ITGAE: variants seen among roughly 807,000 people sequenced by gnomAD.
ITGAE encodes integrin alpha-E.
ITGAE carries 99 observed loss-of-function variants against 136.5 expected under a neutral mutation model. The observed-to-expected ratio is 0.73, with a 90% CI of 0.62 to 0.86. The LOEUF (loss-of-function observed/expected upper bound fraction) is 0.86. Among genes scored for constraint, ITGAE ranks in the 40% least tolerant of loss-of-function variants. The pLI is 0.00. For synonymous variants in ITGAE, 613 were observed against 591.8 expected, an observed-to-expected ratio of 1.04 and a Z score of -0.52; for missense variants, 1,447 against 1,515.3, an observed-to-expected ratio of 0.95 and a Z score of 0.75.
At chr17:3,732,309 A>G (rs56163349) in intron 22 of ITGAE, 59 bp downstream of exon 22, 119,962 of 1,245,176 alleles carry the variant, frequency 0.096, 12,943 homozygotes, top group African/African-American at 0.52. Context: ...TGAGACCAAG[A>G]TGCAGAAGAC....
intron 2 of ITGAE, among the ~76,000 whole-genome samples, chr17:3,767,596 T>C (rs1416958992): frequency 2.0e-5 from 3 of 152,188 alleles, no homozygotes; most frequent in Non-Finnish European, 2.9e-5. Context: ...TCCTGCCTTG[T>C]TGATGGTAAT....
At chr17:3,782,268 C>A (rs1290961553) in intron 1 of ITGAE, among the ~76,000 whole-genome samples, 2 of 87,320 alleles carry the variant, frequency 2.3e-5, no homozygotes, top group Non-Finnish European at 4.0e-5. Context: ...GAGTGAGACT[C>A]GGCCTCAAAA....
chr17:3,745,491 G>A (rs924100553), intron 18 of ITGAE, among the ~76,000 whole-genome samples: 3 of 151,978 alleles, frequency 2.0e-5, no homozygotes, highest in Admixed American at 6.6e-5. Context: ...ACAGGCACCC[G>A]CCATCACGCC....
intron 28 of ITGAE, among the ~76,000 whole-genome samples, chr17:3,720,904 T>A (rs1176105753): frequency 6.6e-6 from 1 of 151,978 alleles, no homozygotes; most frequent in Non-Finnish European, 1.5e-5. Flanking sequence ...TTCTTTTCCC[T>A]TGTGCCATCC....
chr17:3,743,217 G>C (rs2051627861), intron 19 of ITGAE, among the ~76,000 whole-genome samples: 1 of 152,234 alleles, frequency 6.6e-6, no homozygotes, highest in Non-Finnish European at 1.5e-5. Context: ...TGTGCCTCAT[G>C]AAAGATGTAG....
intron 1 of ITGAE, among the ~76,000 whole-genome samples, chr17:3,790,620 C>T (rs778719472): frequency 5.9e-5 from 9 of 152,080 alleles, no homozygotes; most frequent in Admixed American, 2.0e-4. Flanking sequence ...TGAAACCTGA[C>T]GTTAAACTTC....
rs1044118539 is a variant in ITGAE at position 3,781,494 on chromosome 17, G to A, written c.35-3834C>T. 3.3e-5 allele frequency among the ~76,000 whole-genome samples: 5 copies of A among 152,090 alleles called. No individual in the cohort carries two copies. In the East Asian group the frequency reaches 7.7e-4, roughly 23 times the overall value. On this transcript the variant is annotated intron_variant, in intron 1 of 30. Coordinates refer to ENST00000263087, the MANE Select transcript of ITGAE (RefSeq NM_002208.5). ...CCTCTTAAGCCTCCCAAATAGCTGG[G>A]ATTACAGGCACCCGCCATCATGCCC...
chr17:3,745,440 C>T (rs2051688089), intron 18 of ITGAE, among the ~76,000 whole-genome samples: 1 of 152,156 alleles, frequency 6.6e-6, no homozygotes, highest in Non-Finnish European at 1.5e-5. Flanking sequence ...CCCCTGGATT[C>T]CAGCGATTCT....
chr17:3,790,620 CGTT>C (rs1567561111), intron 1 of ITGAE, among the ~76,000 whole-genome samples: 2 of 152,080 alleles, frequency 1.3e-5, no homozygotes, highest in Admixed American at 6.6e-5. Context: ...TGAAACCTGA[CGTT>C]AAACTTCCAG....
At chr17:3,770,122 T>C (rs2052385657) in intron 2 of ITGAE, among the ~76,000 whole-genome samples, 1 of 150,236 alleles carries the variant, frequency 6.7e-6, no homozygotes, top group South Asian at 2.1e-4. Context: ...TTCTTTTTTT[T>C]TTTTTTCTTT....
chr17:3,779,731 A>C (rs931026532), intron 1 of ITGAE, among the ~76,000 whole-genome samples: 1 of 152,222 alleles, frequency 6.6e-6, no homozygotes, highest in African/African-American at 2.4e-5. Context: ...CAATTGTCAA[A>C]TTTAAGTGTA....
At chr17:3,795,178 T>C (rs1282194966) in intron 1 of ITGAE, among the ~76,000 whole-genome samples, 1 of 152,090 alleles carries the variant, frequency 6.6e-6, no homozygotes, top group African/African-American at 2.4e-5. Flanking sequence ...CCCCTCAGCA[T>C]CCTGTGGTCT....
intron 1 of ITGAE, among the ~76,000 whole-genome samples, chr17:3,795,415 T>A (rs2143511220): frequency 6.6e-6 from 1 of 152,304 alleles, no homozygotes; most frequent in Non-Finnish European, 1.5e-5. Flanking sequence ...TCAACAGAGA[T>A]CTTGTTCAAC....
At chr17:3,741,101 G>C (rs1037341924) in intron 19 of ITGAE, among the ~76,000 whole-genome samples, 1 of 123,020 alleles carries the variant, frequency 8.1e-6, no homozygotes, top group Non-Finnish European at 1.7e-5. Context: ...TTTTTGAGAC[G>C]GAGTCTCGCT....
chr17:3,797,610 A>G (rs1290498714), intron 1 of ITGAE, among the ~76,000 whole-genome samples: 1 of 151,186 alleles, frequency 6.6e-6, no homozygotes, highest in Non-Finnish European at 1.5e-5. Context: ...ACAGGTGCGC[A>G]CCACCATGCC....
intron 2 of ITGAE, 37 bp downstream of exon 2, chr17:3,777,503 T>C (rs750756855): frequency 1.3e-6 from 2 of 1,569,482 alleles, no homozygotes; most frequent in Non-Finnish European, 1.7e-6. Context: ...TGGAAGCCCC[T>C]CAGTCTGAAG....
At chr17:3,726,415 A>T in intron 26 of ITGAE, 2 of 893,776 alleles carry the variant, frequency 2.2e-6, no homozygotes, top group Non-Finnish European at 3.5e-6. Context: ...TCCCCACAGG[A>T]GGGTGGAACT....
At chr17:3,759,332 C>T (rs2143074369) in intron 8 of ITGAE, 70 bp downstream of exon 8, 1 of 1,561,886 alleles carries the variant, frequency 6.4e-7, no homozygotes, top group Admixed American at 1.7e-5. Context: ...TGGCCAGCCA[C>T]TTCCTCCATG....
chr17:3,725,501 T>C, intron 26 of ITGAE: 1 of 1,614,204 alleles, frequency 6.2e-7, no homozygotes, highest in South Asian at 1.1e-5. Context: ...ATTTAGTCAA[T>C]GGATCCCATC....
Sources: gnomAD v4.1 joint callset for allele counts (sites outside exome capture counted in the v4.1 genomes callset) on GRCh38, gnomAD v4.1.1 for gene constraint, MANE v1.5 for transcripts, NCBI Gene and HGNC (gene_info 2026-07-23, HGNC 2026-07-21) for gene names.